The following SLC2A1 variants were observed in gnomAD, a reference collection of about 807,000 sequenced individuals.
SLC2A1 encodes solute carrier family 2 member 1.
Under a neutral mutation model 46.6 loss-of-function variants are expected in SLC2A1, and 4 were observed. The ratio of observed to expected loss-of-function variants is 0.09; its 90% confidence interval spans 0.04 to 0.20. The LOEUF is 0.20. Among genes scored for constraint, SLC2A1 ranks in the 10% least tolerant of loss-of-function variants. The probability of loss-of-function intolerance (pLI) is 1.00; values close to 1 mark genes in which losing one functional copy is unlikely to be tolerated. For synonymous variants in SLC2A1, 253 were observed against 270.0 expected (o/e 0.94, Z 0.62); for missense variants, 352 against 667.0 (o/e 0.53, Z 5.20).
Position 42,930,468 on chromosome 1 carries a change from T to C in SLC2A1, c.516+158A>G, listed in dbSNP as rs1343105250. ...CATCTTGCTGTCAACTGGGAGGCCA[T>C]GGTGCTGTGTTCTCTGGACCTGTGT... On this transcript the variant is annotated intron_variant, in intron 4 of 9. Coordinates refer to ENST00000426263, the MANE Select transcript of SLC2A1 (RefSeq NM_006516.4). The surrounding 1 kb of genome is among the most constrained non-coding windows in gnomAD (Gnocchi z 6.2). 4.1e-6 allele frequency: 4 copies of C among 964,678 alleles called. No homozygotes were observed. The highest frequency in any genetic ancestry group is 6.5e-6 in the Non-Finnish European group (4 of 612,196). The allele number at this position is 964,678 out of a possible 1,614,324, so 59.8% of individuals were successfully genotyped here.
intron 1 of SLC2A1, chr1:42,952,390 C>A (rs1048135986): frequency 2.1e-6 from 1 of 482,464 alleles, no homozygotes; most frequent in East Asian, 6.2e-5. Flanking sequence ...AGGAGATTCC[C>A]GTAGAGGCTG....
intron 8 of SLC2A1, among the ~76,000 whole-genome samples, chr1:42,928,712 T>G (rs995143078): frequency 1.3e-5 from 2 of 152,102 alleles, no homozygotes; most frequent in Middle Eastern, 3.4e-3. Flanking sequence ...GGACCAGAGG[T>G]GCTGCGCTGA....
chr1:42,958,589 T>G, intron 1 of SLC2A1, 45 bp downstream of exon 1: 4 of 1,504,486 alleles, frequency 2.7e-6, no homozygotes, highest in Non-Finnish European at 3.5e-6. Context: ...GGCAGGAGTC[T>G]GCGCCTTTGT....
chr1:42,931,165 A>G lies in SLC2A1; in HGVS notation c.156T>C (p.Tyr52=). Residue 52 remains tyrosine (Y), a synonymous_variant, in exon 3 of 10, where the codon TAT becomes TAC. Transcript: ENST00000426263. ...EFYNQTWVHR[Y]GESILPTTLT... ...GCGTGGTGGGCAGGATGCTCTCCCC[A>G]TAGCGGTGGACCCATGTCTGGTTGT... 1.9e-6 allele frequency: 3 copies of G among 1,614,084 alleles called. No homozygotes were observed. The highest frequency in any genetic ancestry group is 1.7e-5 in the Admixed American group (1 of 60,030).
At chr1:42,956,512 G>C (rs374850149) in intron 1 of SLC2A1, among the ~76,000 whole-genome samples, 2 of 151,952 alleles carry the variant, frequency 1.3e-5, no homozygotes, top group African/African-American at 4.8e-5. Flanking sequence ...TTGAACCCGG[G>C]AGGCAGAGGT....
intron 2 of SLC2A1, among the ~76,000 whole-genome samples, chr1:42,939,153 C>T (rs142405030): frequency 1.8e-4 from 28 of 152,396 alleles, no homozygotes; most frequent in African/African-American, 5.8e-4. Flanking sequence ...CTTCAGCCTA[C>T]GCGGGCACAG....
chr1:42,929,341 C>A lies in SLC2A1; in HGVS notation c.868-27G>T. ...TGCCAGACAAGAGAAACTGTTGGGG[C>A]CTACCTGGACATTGTGGCCCTTCCC... On this transcript the variant is annotated intron_variant, in intron 6 of 9. Coordinates refer to ENST00000426263, the MANE Select transcript of SLC2A1 (RefSeq NM_006516.4). This position sits in a 1 kb window ranked among gnomAD's most constrained non-coding sequence, Gnocchi z 6.0. 1.3e-6 allele frequency: 2 copies of A among 1,564,078 alleles called. No individual in the cohort carries two copies. The highest frequency in any genetic ancestry group is 8.7e-7 in the Non-Finnish European group (1 of 1,144,690).
chr1:42,926,502 T>C lies in SLC2A1; in HGVS notation c.*539A>G, dbSNP rs1570590001. On this transcript the variant is annotated 3_prime_UTR_variant, in exon 10 of 10. Transcript: ENST00000426263. The stretch of plus-strand genomic sequence containing the variant: ...GGTAAAGAAAGATTAATTTGAGTGG[T>C]TGGGTAGGAAGAGATGGGAAGGGGC... The C allele has an allele frequency of 3.7e-6, 1 of 270,962 alleles. No individual in the cohort carries two copies. The highest frequency in any genetic ancestry group is 8.8e-5 in the East Asian group (1 of 11,392). The allele number at this position is 270,962 out of a possible 1,614,324, so 16.8% of individuals were successfully genotyped here.
At chr1:42,939,209 T>C (rs575073589) in intron 2 of SLC2A1, among the ~76,000 whole-genome samples, 4 of 152,382 alleles carry the variant, frequency 2.6e-5, no homozygotes, top group African/African-American at 9.6e-5. Context: ...AGCCTCACTT[T>C]CATTTCTTCT....
In SLC2A1 at chr1:42,927,640, T is replaced by G; in HGVS notation, c.1243A>C (p.Asn415His). 1 of 1,614,110 alleles carries G rather than the reference T, an allele frequency of 6.2e-7. No individual in the cohort carries two copies. Among genetic ancestry groups the G allele is most frequent in the Non-Finnish European group, 8.5e-7 (1 of 1,180,028 alleles). Residue 415 changes from asparagine (N) to histidine (H), a missense_variant, in exon 9 of 10, where the codon AAT becomes CAT. By Grantham distance (68) the Asn-to-His change is moderately conservative. Around this residue, in one of 5 missense-constraint regions of SLC2A1, gnomAD observed 35 missense variants for 107.2 expected, o/e 0.33. Transcript: ENST00000426263. This position sits in a 1 kb window ranked among gnomAD's most constrained non-coding sequence, Gnocchi z 5.3. The part of the protein sequence containing the change: ...AVAGFSNWTS[N>H]FIVGMCFQYV... Reference sequence around the variant, plus strand: ...TGGAAGCACATGCCCACAATGAAATTTGAGGTCCAGTTGGAGAAGCCTGCA... The same window carrying G: ...TGGAAGCACATGCCCACAATGAAATGTGAGGTCCAGTTGGAGAAGCCTGCA...
intron 1 of SLC2A1, chr1:42,951,498 T>C (rs1643720221): frequency 5.0e-6 from 1 of 202,012 alleles, no homozygotes; most frequent in African/African-American, 2.3e-5. Flanking sequence ...CAGAATGGGT[T>C]GCAAAGAACT....
chr1:42,946,508 G>T (rs1422884340), intron 1 of SLC2A1, among the ~76,000 whole-genome samples: 1 of 152,176 alleles, frequency 6.6e-6, no homozygotes, highest in Non-Finnish European at 1.5e-5. Flanking sequence ...ATGAGGCACT[G>T]TGAGAACCCT....
At chr1:42,937,150 C>T (rs958040843) in intron 2 of SLC2A1, among the ~76,000 whole-genome samples, 4 of 152,338 alleles carry the variant, frequency 2.6e-5, no homozygotes, top group African/African-American at 9.6e-5. Context: ...TGTGCTTGCT[C>T]GCATTTCCAT....
intron 1 of SLC2A1, among the ~76,000 whole-genome samples, chr1:42,957,756 G>C (rs995512821): frequency 1.2e-4 from 18 of 152,196 alleles, no homozygotes; most frequent in Non-Finnish European, 2.2e-4. Context: ...TATCTAGGGA[G>C]TTGTTGGTCC....
chr1:42,927,262 C>T lies in SLC2A1; in HGVS notation c.1279-21G>A, dbSNP rs1196808001. 1 of 1,612,092 alleles carries T rather than the reference C, an allele frequency of 6.2e-7. No individual in the cohort carries two copies. The highest frequency in any genetic ancestry group is 8.5e-7 in the Non-Finnish European group (1 of 1,178,552). On this transcript the variant is annotated intron_variant, in intron 9 of 9. Coordinates refer to ENST00000426263, the MANE Select transcript of SLC2A1 (RefSeq NM_006516.4). The surrounding 1 kb of genome is among the most constrained non-coding windows in gnomAD (Gnocchi z 5.3). ...AGTTGCTGAAAGACACACAGACACA[C>T]TTGGTTGGAGTCATGACCCTACATC...
At chr1:42,935,216 G>A (rs1264765703) in intron 2 of SLC2A1, among the ~76,000 whole-genome samples, 1 of 152,178 alleles carries the variant, frequency 6.6e-6, no homozygotes, top group African/African-American at 2.4e-5. Context: ...ACCCACCATG[G>A]AGACCACCCT....
Position 42,925,872 on chromosome 1 carries a change from C to T in SLC2A1, c.*1169G>A, listed in dbSNP as rs1262706436. 6 of 152,308 alleles carry T rather than the reference C, an allele frequency of 3.9e-5. No homozygotes were observed. Among genetic ancestry groups the T allele is most frequent in the South Asian group, 4.1e-4 (2 of 4,830 alleles). 9.4% of individuals were successfully genotyped at this position (152,308 alleles called of 1,614,324 possible). A position where few individuals can be genotyped will look rare whatever the true frequency, so the allele number is the denominator to read the frequency against. ...ACTTCACATTCAAAATAATGCATTT[C>T]AAGCCTGAGCATCACGGCTGGCACA... On this transcript the variant is annotated 3_prime_UTR_variant, in exon 10 of 10. Coordinates refer to ENST00000426263, the MANE Select transcript of SLC2A1 (RefSeq NM_006516.4).
chr1:42,928,908 A>T, intron 8 of SLC2A1, 24 bp downstream of exon 8: 1 of 1,600,648 alleles, frequency 6.2e-7, no homozygotes, highest in Non-Finnish European at 8.6e-7. Context: ...CGCATCCCTC[A>T]CTCTCCAGAA....
At chr1:42,942,889 G>A (rs933258114) in intron 2 of SLC2A1, 9 of 361,664 alleles carry the variant, frequency 2.5e-5, no homozygotes, top group South Asian at 1.2e-4. Context: ...AGAATGCCAC[G>A]GAAATGCAGC....
Sources: allele counts gnomAD v4.1 joint callset (sites outside exome capture counted in the v4.1 genomes callset), GRCh38; gene constraint gnomAD v4.1.1; regional missense constraint gnomAD v4.1.1; non-coding constraint Gnocchi (gnomAD v3.1); transcripts MANE v1.5; gene names NCBI Gene and HGNC (gene_info 2026-07-23, HGNC 2026-07-21).